MYLK: variants seen among roughly 807,000 people sequenced by gnomAD.
The protein encoded by MYLK is myosin light chain kinase, smooth muscle.
Under a neutral mutation model 203.4 loss-of-function variants are expected in MYLK, and 106 were observed. That is an observed-to-expected ratio of 0.52 (90% CI 0.45 to 0.61). MYLK has a LOEUF of 0.61. MYLK is among the 20% of genes least tolerant of loss of function. The pLI is 0.00. For synonymous variants in MYLK, 867 were observed against 959.5 expected (o/e 0.90, Z 1.78); for missense variants, 2,072 against 2,442.3 (o/e 0.85, Z 3.20).
intron 3 of MYLK, among the ~76,000 whole-genome samples, chr3:123,800,350 C>T (rs931791705): frequency 1.8e-4 from 27 of 152,120 alleles, no homozygotes; most frequent in Non-Finnish European, 2.9e-5. Context: ...CCTGGGATTA[C>T]CACCCAGGGA....
At chr3:123,813,913 ATAT>A (rs1359400725) in intron 3 of MYLK, among the ~76,000 whole-genome samples, 6 of 152,132 alleles carry the variant, frequency 3.9e-5, no homozygotes. Context: ...ACCACATAAC[ATAT>A]TATCCAAATG....
chr3:123,804,842 C>T (rs2109187242), intron 3 of MYLK, among the ~76,000 whole-genome samples: 1 of 152,286 alleles, frequency 6.6e-6, no homozygotes, highest in African/African-American at 2.4e-5. Context: ...CAACTAACAC[C>T]TGACTGATTG....
intron 29 of MYLK, among the ~76,000 whole-genome samples, chr3:123,631,592 T>C (rs2058427005): frequency 6.6e-6 from 1 of 152,146 alleles, no homozygotes; most frequent in Non-Finnish European, 1.5e-5. Context: ...AGAAAAAGCT[T>C]GCCATGGGAG....
In MYLK at chr3:123,733,846, T is replaced by C. The variant is rs1463771280; in HGVS notation, c.1150A>G (p.Thr384Ala). 4 of 1,614,068 alleles carry C rather than the reference T, an allele frequency of 2.5e-6. No homozygotes were observed. Among genetic ancestry groups the C allele is most frequent in the East Asian group, 2.2e-5 (1 of 44,876 alleles). The change falls in exon 10 of 34, where the codon ACC (threonine) becomes GCC (alanine). Residue 384 changes from threonine to alanine, a missense_variant. Thr to Ala is a moderately conservative substitution (Grantham distance 58). Transcript: ENST00000360304. ...TGGCTCCCCAGGCCAGGCTGCCTGG[T>C]GGGGAAGGTGGCTGGACGGGGAGGA... ...PAPPRPATFP[T>A]RQPGLGSQDV...
At chr3:123,861,683 G>A (rs938854271) in intron 2 of MYLK, among the ~76,000 whole-genome samples, 2 of 152,062 alleles carry the variant, frequency 1.3e-5, no homozygotes, top group Non-Finnish European at 2.9e-5. Context: ...GCTCCCGGTG[G>A]GCAGGAAAAC....
At chr3:123,858,823 C>T (rs1053831372) in intron 2 of MYLK, among the ~76,000 whole-genome samples, 1 of 152,142 alleles carries the variant, frequency 6.6e-6, no homozygotes, top group African/African-American at 2.4e-5. Context: ...ACGTCCAAAA[C>T]ATAGCAGCCT....
intron 23 of MYLK, among the ~76,000 whole-genome samples, chr3:123,661,193 G>A (rs2059550315): frequency 1.3e-5 from 2 of 152,216 alleles, no homozygotes; most frequent in Non-Finnish European, 2.9e-5. Flanking sequence ...GATCGGAGGA[G>A]GGGAGTGCGT....
intron 5 of MYLK, among the ~76,000 whole-genome samples, chr3:123,741,790 A>G (rs375728420): frequency 1.3e-5 from 2 of 152,256 alleles, no homozygotes; most frequent in South Asian, 4.1e-4. Flanking sequence ...AAAATGTACA[A>G]TTAGACATCT....
chr3:123,679,040 G>A (rs1486549102), intron 20 of MYLK, among the ~76,000 whole-genome samples: 2 of 152,174 alleles, frequency 1.3e-5, no homozygotes, highest in African/African-American at 2.4e-5. Flanking sequence ...CGGGCGCGGT[G>A]GCTCACGCCT....
chr3:123,719,224 G>A (rs560840462), intron 13 of MYLK, among the ~76,000 whole-genome samples: 26 of 152,342 alleles, frequency 1.7e-4, no homozygotes, highest in African/African-American at 6.3e-4. Context: ...GAATAAGCTT[G>A]CTTGCAGCAG....
intron 1 of MYLK, among the ~76,000 whole-genome samples, chr3:123,878,057 A>G (rs891513829): frequency 1.3e-5 from 2 of 152,156 alleles, no homozygotes; most frequent in Admixed American, 1.3e-4. Context: ...CATTTACCCC[A>G]TTAGCCAGTC....
rs2059756448 is a variant in MYLK, at chr3:123,666,992, T to C, written c.3703+145A>G. 13 of 722,298 alleles carry C rather than the reference T, an allele frequency of 1.8e-5. No individual in the cohort carries two copies. The Admixed American group carries it at 2.6e-4, about 14-fold the overall frequency. The allele number at this position is 722,298 out of a possible 1,614,324, so 44.7% of individuals were successfully genotyped here. On this transcript the variant is annotated intron_variant, in intron 21 of 33. Coordinates refer to ENST00000360304, the MANE Select transcript of MYLK (RefSeq NM_053025.4). The stretch of plus-strand genomic sequence containing the variant: ...CCATGAGCAAACTCAGCCTGAAAAA[T>C]GCAGAGCTGGAACTGAGGGTGGGGG...
chr3:123,641,598 C>A (rs2058834271), intron 27 of MYLK, among the ~76,000 whole-genome samples: 1 of 151,818 alleles, frequency 6.6e-6, no homozygotes, highest in African/African-American at 2.4e-5. Context: ...TCTGGAACTC[C>A]TGGTCTCCAG....
chr3:123,766,518 C>T (rs2063709353), intron 4 of MYLK, among the ~76,000 whole-genome samples: 1 of 152,258 alleles, frequency 6.6e-6, no homozygotes, highest in African/African-American at 2.4e-5. Flanking sequence ...CCCAGGGGAG[C>T]AGCAGTAGGG....
At chr3:123,677,109 A>G (rs943364731) in intron 20 of MYLK, among the ~76,000 whole-genome samples, 2 of 152,140 alleles carry the variant, frequency 1.3e-5, no homozygotes, top group African/African-American at 4.8e-5. Flanking sequence ...TTCCCTCAGG[A>G]CACTTTTGCT....
At chr3:123,696,982 C>T (rs2060956053) in intron 18 of MYLK, among the ~76,000 whole-genome samples, 2 of 152,266 alleles carry the variant, frequency 1.3e-5, no homozygotes, top group South Asian at 4.1e-4. Flanking sequence ...CCCCTCTGGC[C>T]TGTCTTCGGG....
intron 33 of MYLK, 131 bp downstream of exon 33, chr3:123,618,508 C>G: frequency 7.9e-7 from 1 of 1,272,210 alleles, no homozygotes; most frequent in Non-Finnish European, 1.1e-6. Context: ...GACCCAGTTT[C>G]CCCCAAAGCT....
chr3:123,656,590 C>G (rs993607072), intron 24 of MYLK, among the ~76,000 whole-genome samples: 9 of 152,158 alleles, frequency 5.9e-5, no homozygotes, highest in Non-Finnish European at 1.2e-4. Context: ...TAAGTGTCAC[C>G]TTCTCCAGAA....
rs79564350 is a variant in MYLK at position 123,822,110 on chromosome 3, G to A, written c.-4+9438C>T. ...CTTCCACCGTGGGATGACACAGCAA[G>A]AAGGCCCTGGCAAGAAGCCAGCCCT... is the stretch of plus-strand genomic sequence containing the variant. On this transcript the variant is annotated intron_variant, in intron 3 of 33. Transcript: ENST00000360304. Among the ~76,000 whole-genome samples, 186 of 152,290 alleles carry A rather than the reference G, an allele frequency of 1.2e-3. 3 individuals carry two copies. The East Asian group carries it at 0.031, about 26-fold the overall frequency.
Sources: gnomAD v4.1 joint callset for allele counts (sites outside exome capture counted in the v4.1 genomes callset) on GRCh38, gnomAD v4.1.1 for gene constraint, MANE v1.5 for transcripts, NCBI Gene and HGNC (gene_info 2026-07-23, HGNC 2026-07-21) for gene names.